Variants in FOXK1 observed in about 807,000 individuals in gnomAD.
FOXK1 encodes the protein forkhead box protein K1.
FOXK1 carries 19 observed loss-of-function variants against 51.9 expected under a neutral mutation model. The observed-to-expected ratio is 0.37, with a 90% CI of 0.26 to 0.54. The LOEUF (loss-of-function observed/expected upper bound fraction) is 0.54. FOXK1 is among the 20% of genes least tolerant of loss of function. The pLI, the probability that FOXK1 is intolerant of heterozygous loss-of-function variation, is 0.87. For missense variants in FOXK1, 870 were observed against 1,032.7 expected, an observed-to-expected ratio of 0.84 and a Z score of 2.16; for synonymous variants, 537 against 482.6, an observed-to-expected ratio of 1.11 and a Z score of -1.48.
intron 7 of FOXK1, 131 bp downstream of exon 7, chr7:4,759,726 G>T: frequency 8.9e-7 from 1 of 1,120,538 alleles, no homozygotes; most frequent in Non-Finnish European, 1.2e-6. Flanking sequence ...GCCTCTCGCT[G>T]CCTTGTCCCT....
rs1781067081 is a variant in FOXK1, at chr7:4,769,488, G to C, written c.*7024G>C. The C allele has an allele frequency of 6.6e-6, 1 of 152,064 alleles. No homozygotes were observed. The highest frequency in any genetic ancestry group is 1.5e-5 in the Non-Finnish European group (1 of 68,078). 9.4% of individuals were successfully genotyped at this position (152,064 alleles called of 1,614,324 possible). A position where few individuals can be genotyped will look rare whatever the true frequency, so the allele number is the denominator to read the frequency against. ...GAGTCTCGCTCTATCGCCCAGGCTG[G>C]AGTGCAGTGGCCCAATCTCGGCTCA... On this transcript the variant is annotated 3_prime_UTR_variant, in exon 9 of 9. Coordinates refer to ENST00000328914, the MANE Select transcript of FOXK1 (RefSeq NM_001037165.2). The surrounding 1 kb of genome is among the most constrained non-coding windows in gnomAD (Gnocchi z 4.1).
In FOXK1 at chr7:4,734,390, G is replaced by C. The variant is rs143483596; in HGVS notation, c.561-6448G>C. On this transcript the variant is annotated intron_variant, in intron 1 of 8. Transcript: ENST00000328914. The surrounding 1 kb of genome is among the most constrained non-coding windows in gnomAD (Gnocchi z 5.2). The stretch of plus-strand genomic sequence containing the variant: ...CTTGTGGTCCTGGCCTTGGTGGGCA[G>C]GTGCAGGGCCCGCTCCCTCCTTGGG... 1.0e-3 allele frequency among the ~76,000 whole-genome samples: 156 copies of C among 152,330 alleles called. 2 individuals carry two copies. The East Asian group carries it at 0.025, about 24-fold the overall frequency.
At position 4,735,122 on chromosome 7, in the gene FOXK1, C is replaced by T. The variant is rs2115057524; in HGVS notation, c.561-5716C>T. Among the ~76,000 whole-genome samples the T allele has an allele frequency of 6.6e-6, 1 of 152,212 alleles. No individual in the cohort carries two copies. Among genetic ancestry groups the T allele is most frequent in the Middle Eastern group, 3.4e-3 (1 of 294 alleles). Reference sequence around the variant, plus strand: ...GGGAATGAAGGCACATGACATGCCCCAAGTCACTCGGGCTCAGCACTGGTG... The same window carrying T: ...GGGAATGAAGGCACATGACATGCCCTAAGTCACTCGGGCTCAGCACTGGTG... On this transcript the variant is annotated intron_variant, in intron 1 of 8. Coordinates refer to ENST00000328914, the MANE Select transcript of FOXK1 (RefSeq NM_001037165.2). The surrounding 1 kb of genome is among the most constrained non-coding windows in gnomAD (Gnocchi z 4.7).
At chr7:4,759,923 C>T in intron 7 of FOXK1, 2 of 383,046 alleles carry the variant, frequency 5.2e-6, no homozygotes, top group South Asian at 7.1e-5. Flanking sequence ...CCCAGCTACT[C>T]AGGAGGCTGA....
At position 4,770,903 on chromosome 7, in the gene FOXK1, A is replaced by AC. The variant is rs1554256189; in HGVS notation, c.*8439_*8440insC. ...TGTGTGTGTGTGTGTGTGTGTGTGTATTTTTTTTTTTACAGTGGCGCCTGT... is the reference window on the plus strand; with the variant it reads ...TGTGTGTGTGTGTGTGTGTGTGTGTACTTTTTTTTTTTACAGTGGCGCCTGT... On this transcript the variant is annotated 3_prime_UTR_variant, in exon 9 of 9. Transcript: ENST00000328914. 4 of 100,690 alleles carry AC rather than the reference A, an allele frequency of 4.0e-5. No individual in the cohort carries two copies. Among genetic ancestry groups the AC allele is most frequent in the African/African-American group, 1.6e-4 (4 of 24,714 alleles). The allele number at this position is 100,690 out of a possible 1,614,324, so 6.2% of individuals were successfully genotyped here. A position where few individuals can be genotyped will look rare whatever the true frequency, so the allele number is the denominator to read the frequency against.
chr7:4,685,359 C>T (rs1046502496), intron 1 of FOXK1, among the ~76,000 whole-genome samples: 2 of 150,884 alleles, frequency 1.3e-5, no homozygotes, highest in African/African-American at 4.9e-5. Context: ...GGACTACAGG[C>T]GCACAACACC....
chr7:4,728,323 C>A (rs899517893), intron 1 of FOXK1, among the ~76,000 whole-genome samples: 2 of 152,156 alleles, frequency 1.3e-5, no homozygotes, highest in African/African-American at 4.8e-5. Context: ...TTGGAATTTC[C>A]AAAGAGCACC....
chr7:4,723,290 A>G lies in FOXK1; in HGVS notation c.561-17548A>G, dbSNP rs1780338704. On this transcript the variant is annotated intron_variant, in intron 1 of 8. Coordinates refer to ENST00000328914, the MANE Select transcript of FOXK1 (RefSeq NM_001037165.2). This position sits in a 1 kb window ranked among gnomAD's most constrained non-coding sequence, Gnocchi z 4.7. The stretch of plus-strand genomic sequence containing the variant: ...CCCTGAAGGATGTGGCTGCTGCCCG[A>G]CTCCAGAGTGACAAATATAGCAAAA... 6.6e-6 allele frequency among the ~76,000 whole-genome samples: 1 copy of G among 151,556 alleles called. No homozygotes were observed. The highest frequency in any genetic ancestry group is 6.6e-5 in the Admixed American group (1 of 15,204).
In FOXK1 at chr7:4,729,711, C is replaced by T. The variant is rs1056021745; in HGVS notation, c.561-11127C>T. Among the ~76,000 whole-genome samples the T allele has an allele frequency of 2.0e-5, 3 of 152,166 alleles. No homozygotes were observed. The highest frequency in any genetic ancestry group is 4.4e-5 in the Non-Finnish European group (3 of 68,030). On this transcript the variant is annotated intron_variant, in intron 1 of 8. Coordinates refer to ENST00000328914, the MANE Select transcript of FOXK1 (RefSeq NM_001037165.2). This position sits in a 1 kb window ranked among gnomAD's most constrained non-coding sequence, Gnocchi z 6.2. Reference sequence around the variant, plus strand: ...TTCAGCTTCAAAAAGAAACCCTGGCCGGGTGCAGCAGCTCACGCCTGTAAT... The same window carrying T: ...TTCAGCTTCAAAAAGAAACCCTGGCTGGGTGCAGCAGCTCACGCCTGTAAT...
At chr7:4,716,378 C>A (rs1274910407) in intron 1 of FOXK1, among the ~76,000 whole-genome samples, 1 of 152,106 alleles carries the variant, frequency 6.6e-6, no homozygotes, top group African/African-American at 2.4e-5. Context: ...TGGTGGCATG[C>A]ACCCATAGCC....
At chr7:4,713,569 A>T (rs1371947988) in intron 1 of FOXK1, among the ~76,000 whole-genome samples, 1 of 145,290 alleles carries the variant, frequency 6.9e-6, no homozygotes. Context: ...TCGGCTCACC[A>T]CAACCTCCCC....
At chr7:4,699,266 G>A (rs926719733) in intron 1 of FOXK1, among the ~76,000 whole-genome samples, 5 of 150,698 alleles carry the variant, frequency 3.3e-5, no homozygotes, top group African/African-American at 1.2e-4. Flanking sequence ...GACTCGTGGG[G>A]TCCTTATCCA....
chr7:4,761,183 C>G lies in FOXK1; in HGVS notation c.1816C>G (p.Pro606Ala). ...CGGACACACGGTCACCATCCTGCAGCCCGCCACACCCGTGACCCTCGGGCA... is the reference window on the plus strand; with the variant it reads ...CGGACACACGGTCACCATCCTGCAGGCCGCCACACCCGTGACCCTCGGGCA... ...VPGHTVTILQ[P>A]ATPVTLGQHH... Residue 606 changes from proline to alanine, a missense_variant, in exon 8 of 9, where the codon CCC becomes GCC. Pro to Ala is a conservative substitution (Grantham distance 27). Coordinates refer to ENST00000328914, the MANE Select transcript of FOXK1 (RefSeq NM_001037165.2). The surrounding 1 kb of genome is among the most constrained non-coding windows in gnomAD (Gnocchi z 6.2). 1 of 1,612,930 alleles carries G rather than the reference C, an allele frequency of 6.2e-7. No individual in the cohort carries two copies. Among genetic ancestry groups the G allele is most frequent in the Non-Finnish European group, 8.5e-7 (1 of 1,180,026 alleles).
At chr7:4,710,643 CG>C (rs1280881297) in intron 1 of FOXK1, among the ~76,000 whole-genome samples, 1 of 151,972 alleles carries the variant, frequency 6.6e-6, no homozygotes, top group Admixed American at 6.6e-5. Context: ...TGGGTGCAGC[CG>C]GGTGTATGGC....
rs905120015 is a variant in FOXK1, at chr7:4,747,216, G to GC, written c.746+6195dup. 4.6e-5 allele frequency among the ~76,000 whole-genome samples: 7 copies of GC among 152,194 alleles called. No homozygotes were observed. Among genetic ancestry groups the GC allele is most frequent in the Admixed American group, 6.5e-5 (1 of 15,272 alleles). On this transcript the variant is annotated intron_variant, in intron 2 of 8. Transcript: ENST00000328914. This position sits in a 1 kb window ranked among gnomAD's most constrained non-coding sequence, Gnocchi z 9.2. ...GTGACAAGCGGCTTGTGTGGAGTAG[G>GC]CCTGTTGCATGGCTTCTGTGCGGGC...
At chr7:4,740,736 A>T in intron 1 of FOXK1, 102 bp from the exon 2 acceptor site, 1 of 1,194,648 alleles carries the variant, frequency 8.4e-7, no homozygotes, top group Non-Finnish European at 1.2e-6. Flanking sequence ...TTTGAGAGTT[A>T]CGGTCCAGTT....
At chr7:4,738,713 A>C (rs1468549704) in intron 1 of FOXK1, among the ~76,000 whole-genome samples, 3 of 152,106 alleles carry the variant, frequency 2.0e-5, no homozygotes, top group African/African-American at 7.2e-5. Flanking sequence ...ACAGTCTCAG[A>C]GTCCCTTTTG....
rs1445793027 is a variant in FOXK1 at position 4,682,618 on chromosome 7, C to A, written c.310C>A (p.Pro104Thr). The change falls in exon 1 of 9, where the codon CCG becomes ACG. Residue 104 changes from proline (P) to threonine (T), a missense_variant. Pro to Thr is a conservative substitution (Grantham distance 38). This residue lies in a region of FOXK1 where 399 missense variants were observed against 475.6 expected (regional missense o/e 0.84). Transcript: ENST00000328914. The surrounding 1 kb of genome is among the most constrained non-coding windows in gnomAD (Gnocchi z 7.6). ...CGCCTCGGTACGGCAGAGCCCGGGG[C>A]CGGCGCTGGCGCGGCTGGAGGGCCG... ...AAASVRQSPG[P>T]ALARLEGREF... The A allele has an allele frequency of 4.0e-6, 6 of 1,514,558 alleles. No homozygotes were observed. Among genetic ancestry groups the A allele is most frequent in the Non-Finnish European group, 5.3e-6 (6 of 1,137,644 alleles). 93.8% of individuals were successfully genotyped at this position (1,514,558 alleles called of 1,614,324 possible). A position where few individuals can be genotyped will look rare whatever the true frequency, so the allele number is the denominator to read the frequency against.
rs1780226575 is a variant in FOXK1 at position 4,715,825 on chromosome 7, G to A, written c.561-25013G>A. Among the ~76,000 whole-genome samples the A allele has an allele frequency of 6.6e-6, 1 of 152,186 alleles. No homozygotes were observed. Among genetic ancestry groups the A allele is most frequent in the Admixed American group, 6.5e-5 (1 of 15,274 alleles). On this transcript the variant is annotated intron_variant, in intron 1 of 8. Transcript: ENST00000328914. This position sits in a 1 kb window ranked among gnomAD's most constrained non-coding sequence, Gnocchi z 4.5. The stretch of plus-strand genomic sequence containing the variant: ...CGGCTCTTTGAATACTTAAAGAAAT[G>A]TAGGAAAAGCAAAACTCACAAGACA...
Sources: allele counts gnomAD v4.1 joint callset (sites outside exome capture counted in the v4.1 genomes callset), GRCh38; gene constraint gnomAD v4.1.1; regional missense constraint gnomAD v4.1.1; non-coding constraint Gnocchi (gnomAD v3.1); transcripts MANE v1.5; gene names NCBI Gene and HGNC (gene_info 2026-07-23, HGNC 2026-07-21).